RAD51B: variants seen among roughly 807,000 people sequenced by gnomAD.
The protein encoded by RAD51B is DNA repair protein RAD51 homolog 2.
In RAD51B, 38 loss-of-function variants were observed where a neutral mutation model predicts 42.2. The ratio of observed to expected loss-of-function variants is 0.90; its 90% CI spans 0.70 to 1.18. The LOEUF is 1.18. Ranked by LOEUF, RAD51B falls within the 50% of genes most tolerant of loss-of-function variation. The pLI is 0.00. For missense variants in RAD51B, 373 were observed against 400.7 expected (o/e 0.93, Z 0.59); for synonymous variants, 154 against 145.2 (o/e 1.06, Z -0.43).
At chr14:68,302,928 A>C (rs1180527378) in intron 8 of RAD51B, among the ~76,000 whole-genome samples, 1 of 152,254 alleles carries the variant, frequency 6.6e-6, no homozygotes, top group Non-Finnish European at 1.5e-5. Context: ...CATTATGGCC[A>C]TCATGAACAT....
chr14:67,828,343 GTT>G (rs912781383), intron 3 of RAD51B, among the ~76,000 whole-genome samples: 1 of 147,486 alleles, frequency 6.8e-6, no homozygotes, highest in Non-Finnish European at 1.5e-5. Flanking sequence ...GGGTTGTTTG[GTT>G]TTTTTTTTCT....
At chr14:67,868,746 G>C (rs1361650546) in intron 5 of RAD51B, among the ~76,000 whole-genome samples, 2 of 152,290 alleles carry the variant, frequency 1.3e-5, no homozygotes, top group African/African-American at 4.8e-5. Flanking sequence ...TCTGAGAACG[G>C]GCAGACTGCC....
intron 7 of RAD51B, among the ~76,000 whole-genome samples, chr14:67,904,419 T>A (rs1172969045): frequency 6.6e-6 from 1 of 152,086 alleles, no homozygotes; most frequent in East Asian, 1.9e-4. Flanking sequence ...CTATTATTTT[T>A]TGAGTTTTTA....
At chr14:68,444,908 C>A (rs1247092517) in intron 9 of RAD51B, among the ~76,000 whole-genome samples, 1 of 152,172 alleles carries the variant, frequency 6.6e-6, no homozygotes, top group Non-Finnish European at 1.5e-5. Context: ...ACTGGTGGAA[C>A]TTTGTGGCTT....
intron 10 of RAD51B, among the ~76,000 whole-genome samples, chr14:68,499,938 G>A (rs977182282): frequency 3.9e-5 from 6 of 152,178 alleles, no homozygotes; most frequent in African/African-American, 1.4e-4. Context: ...TGCAGCCCTA[G>A]AAAACTAATG....
downstream of RAD51B, among the ~76,000 whole-genome samples, chr14:68,598,699 T>C (rs1437862301): frequency 6.6e-6 from 1 of 152,214 alleles, no homozygotes; most frequent in Non-Finnish European, 1.5e-5. Flanking sequence ...CTCCAGTGTG[T>C]TCTGGAAGGT....
chr14:68,127,628 CACACACACACACACACACACACACACAT>C (rs1386331287), intron 7 of RAD51B, among the ~76,000 whole-genome samples: 73 of 143,532 alleles, frequency 5.1e-4, no homozygotes, highest in Middle Eastern at 3.4e-3. Context: ...CACACACACA[CACACACACACACACACACACACACACAT>C]ACACACAGTA....
At chr14:68,018,888 C>CCCA in intron 7 of RAD51B, among the ~76,000 whole-genome samples, 1 of 152,122 alleles carries the variant, frequency 6.6e-6, no homozygotes, top group Admixed American at 6.5e-5. Flanking sequence ...TTCCATTTAC[C>CCCA]AGCTGTGAAA....
chr14:67,900,671 T>TA (rs1334106527), intron 7 of RAD51B, among the ~76,000 whole-genome samples: 1 of 150,196 alleles, frequency 6.7e-6, no homozygotes, highest in Non-Finnish European at 1.5e-5. Flanking sequence ...TTGAAGGAGT[T>TA]ACAGTTCTAA....
intron 9 of RAD51B, among the ~76,000 whole-genome samples, chr14:68,438,991 G>C (rs1348923437): frequency 6.6e-6 from 1 of 152,242 alleles, no homozygotes; most frequent in South Asian, 2.1e-4. Context: ...TCAGTGGATT[G>C]TTTGCTCTCA....
intron 10 of RAD51B, among the ~76,000 whole-genome samples, chr14:68,619,360 G>C (rs1255488355): frequency 6.6e-6 from 1 of 151,958 alleles, no homozygotes; most frequent in Non-Finnish European, 1.5e-5. Flanking sequence ...CTACTCAGGA[G>C]GCTGAGGCAG....
At chr14:68,414,447 T>C (rs1346920242) in intron 9 of RAD51B, among the ~76,000 whole-genome samples, 1 of 152,168 alleles carries the variant, frequency 6.6e-6, no homozygotes, top group Non-Finnish European at 1.5e-5. Flanking sequence ...AGAATTAAAA[T>C]GGCCTCTCCT....
chr14:68,225,590 G>GGTCTGCA (rs1229392325), intron 7 of RAD51B, among the ~76,000 whole-genome samples: 1 of 152,174 alleles, frequency 6.6e-6, no homozygotes, highest in Non-Finnish European at 1.5e-5. Context: ...ATTGTGCTCA[G>GGTCTGCA]GTCTGCAATT....
chr14:68,499,791 C>T (rs1045950796), intron 10 of RAD51B, among the ~76,000 whole-genome samples: 3 of 152,150 alleles, frequency 2.0e-5, no homozygotes, highest in African/African-American at 4.8e-5. Flanking sequence ...CTGGAAGAGG[C>T]GAGGAAGAGG....
At chr14:68,675,289 T>C (rs1364742401) in intron 11 of RAD51B, among the ~76,000 whole-genome samples, 6 of 152,166 alleles carry the variant, frequency 3.9e-5, no homozygotes, top group Admixed American at 2.6e-4. Flanking sequence ...GAGACATAGT[T>C]TGAGGAGAAT....
chr14:68,215,228 A>G (rs1032640666), intron 7 of RAD51B, among the ~76,000 whole-genome samples: 1 of 152,194 alleles, frequency 6.6e-6, no homozygotes, highest in African/African-American at 2.4e-5. Context: ...TTAGACACCA[A>G]TGGCGTCTAC....
At chr14:68,630,151 A>G (rs1892191932) in intron 10 of RAD51B, among the ~76,000 whole-genome samples, 1 of 140,510 alleles carries the variant, frequency 7.1e-6, no homozygotes, top group South Asian at 2.5e-4. Context: ...TACAGCCCCT[A>G]GGAATGCCGA....
At chr14:68,336,159 A>G (rs2082451188) in intron 8 of RAD51B, among the ~76,000 whole-genome samples, 1 of 152,238 alleles carries the variant, frequency 6.6e-6, no homozygotes, top group Non-Finnish European at 1.5e-5. Flanking sequence ...TATATAATGT[A>G]TTCAACAAAT....
intron 8 of RAD51B, among the ~76,000 whole-genome samples, chr14:68,310,776 C>T (rs1358985783): frequency 1.3e-5 from 2 of 152,070 alleles, no homozygotes; most frequent in Admixed American, 6.6e-5. Flanking sequence ...ACCTGGGAGG[C>T]AGAGGTTTCA....
Sources: allele counts gnomAD v4.1 joint callset (sites outside exome capture counted in the v4.1 genomes callset), GRCh38; gene constraint gnomAD v4.1.1; transcripts MANE v1.5; gene names NCBI Gene and HGNC (gene_info 2026-07-23, HGNC 2026-07-21).